Variants in MBD5 observed in about 807,000 individuals in gnomAD.
The protein encoded by MBD5 is methyl-CpG-binding domain protein 5.
A neutral mutation model predicts 117.3 loss-of-function variants in MBD5; 13 were observed. That is an observed-to-expected ratio of 0.11 (90% CI 0.07 to 0.18). The LOEUF (loss-of-function observed/expected upper bound fraction) is 0.18. Among genes scored for constraint, MBD5 ranks in the 10% least tolerant of loss-of-function variants. The probability of loss-of-function intolerance (pLI) is 1.00; values close to 1 mark genes in which losing one functional copy is unlikely to be tolerated. For missense variants in MBD5, 1,879 were observed against 2,093.8 expected, an observed-to-expected ratio of 0.90 and a Z score of 2.00; for synonymous variants, 727 against 766.4, an observed-to-expected ratio of 0.95 and a Z score of 0.85.
In MBD5 at chr2:148,028,168, A is replaced by C. The variant is rs1269683058; in HGVS notation, c.-925+6484A>C. ...GTTGACCTATATAACCTTTTATTAG[A>C]GAACCTGTAATTAAGTTCAGTGTCA... On this transcript the variant is annotated intron_variant, in intron 1 of 13. Coordinates refer to ENST00000642680, the MANE Select transcript of MBD5 (RefSeq NM_001378120.1). 5 of 152,216 alleles carry C rather than the reference A, an allele frequency of 3.3e-5. No individual in the cohort carries two copies. The East Asian group carries it at 5.8e-4, about 18-fold the overall frequency. 9.4% of individuals were successfully genotyped at this position (152,216 alleles called of 1,614,324 possible). A position where few individuals can be genotyped will look rare whatever the true frequency, so the allele number is the denominator to read the frequency against.
At chr2:148,255,048 G>T (rs2106264542) in intron 3 of MBD5, among the ~76,000 whole-genome samples, 1 of 152,312 alleles carries the variant, frequency 6.6e-6, no homozygotes, top group Non-Finnish European at 1.5e-5. Context: ...TGGAAGGGTG[G>T]TACAGAACCA....
At chr2:148,134,287 CAT>C (rs1263148032) in intron 1 of MBD5, among the ~76,000 whole-genome samples, 2 of 152,096 alleles carry the variant, frequency 1.3e-5, no homozygotes, top group African/African-American at 4.8e-5. Context: ...TACAAACACC[CAT>C]ATATACATAT....
chr2:148,447,564 C>T (rs964632098), intron 4 of MBD5: 1 of 152,056 alleles, frequency 6.6e-6, no homozygotes, highest in Non-Finnish European at 1.5e-5. Flanking sequence ...CTTTCTATTC[C>T]AGAAGTTGGA....
chr2:148,472,985 C>CA (rs1262334980), intron 8 of MBD5, among the ~76,000 whole-genome samples: 1 of 152,160 alleles, frequency 6.6e-6, no homozygotes, highest in Non-Finnish European at 1.5e-5. Flanking sequence ...TGAGGTTCAT[C>CA]TGATTCTAAA....
At chr2:148,511,611 A>G (rs1682215700) in intron 13 of MBD5, among the ~76,000 whole-genome samples, 1 of 151,792 alleles carries the variant, frequency 6.6e-6, no homozygotes, top group East Asian at 1.9e-4. Flanking sequence ...GTTTTAAAAA[A>G]TATTAAAGTG....
chr2:148,328,806 G>T (rs558141639), intron 3 of MBD5, among the ~76,000 whole-genome samples: 5 of 151,930 alleles, frequency 3.3e-5, no homozygotes, highest in African/African-American at 1.2e-4. Context: ...CGTCTTCTGC[G>T]TTGCTCACTC....
intron 4 of MBD5, among the ~76,000 whole-genome samples, chr2:148,445,598 T>C (rs1185915984): frequency 1.3e-5 from 2 of 151,376 alleles, no homozygotes; most frequent in East Asian, 1.9e-4. Context: ...AATAAACATA[T>C]GTGTAAATGT....
At chr2:148,358,465 A>C (rs1574330434) in intron 4 of MBD5, among the ~76,000 whole-genome samples, 1 of 152,144 alleles carries the variant, frequency 6.6e-6, no homozygotes, top group South Asian at 2.1e-4. Flanking sequence ...TAAATACAAT[A>C]CTTTCTCCTA....
At chr2:148,257,517 T>C (rs1700618972) in intron 3 of MBD5, among the ~76,000 whole-genome samples, 1 of 152,170 alleles carries the variant, frequency 6.6e-6, no homozygotes, top group African/African-American at 2.4e-5. Context: ...CTCCCAAGAA[T>C]TTGACAAATG....
chr2:148,381,458 T>G (rs942042212), intron 4 of MBD5, among the ~76,000 whole-genome samples: 2 of 152,040 alleles, frequency 1.3e-5, no homozygotes, highest in African/African-American at 4.8e-5. Context: ...TGGGACAATG[T>G]GAAAAGACCA....
At chr2:148,384,181 G>T (rs1431661322) in intron 4 of MBD5, among the ~76,000 whole-genome samples, 3 of 152,082 alleles carry the variant, frequency 2.0e-5, no homozygotes, top group Non-Finnish European at 4.4e-5. Flanking sequence ...GTCCCTGTTT[G>T]CAGATGACAT....
chr2:148,075,509 A>G (rs1425003408), intron 1 of MBD5, among the ~76,000 whole-genome samples: 1 of 152,242 alleles, frequency 6.6e-6, no homozygotes, highest in Non-Finnish European at 1.5e-5. Context: ...CTAAAAGATA[A>G]GGACTCAATT....
In MBD5 at chr2:148,408,145, T is replaced by C. The variant is rs1295359175; in HGVS notation, c.-556-50058T>C. On this transcript the variant is annotated intron_variant, in intron 4 of 13. Coordinates refer to ENST00000642680, the MANE Select transcript of MBD5 (RefSeq NM_001378120.1). ...GAAAAAGCTGCAATAAAGAAGAAAA[T>C]CTTCAAATGGTACCTTCAATTCGAA... is the stretch of plus-strand genomic sequence containing the variant. 5.9e-5 allele frequency among the ~76,000 whole-genome samples: 9 copies of C among 152,228 alleles called. No individual in the cohort carries two copies. In the East Asian group the frequency reaches 1.7e-3, roughly 29 times the overall value.
chr2:148,129,118 G>A (rs1696975204), intron 1 of MBD5, among the ~76,000 whole-genome samples: 1 of 152,094 alleles, frequency 6.6e-6, no homozygotes, highest in Non-Finnish European at 1.5e-5. Flanking sequence ...GAAATTAAAA[G>A]CAGCAAAGAA....
chr2:148,436,386 G>T (rs2105367865), intron 4 of MBD5, among the ~76,000 whole-genome samples: 1 of 151,936 alleles, frequency 6.6e-6, no homozygotes, highest in East Asian at 1.9e-4. Flanking sequence ...GTTTGGTTTT[G>T]TTTTTTGACA....
At chr2:148,448,924 A>C (rs2105467450) in intron 4 of MBD5, among the ~76,000 whole-genome samples, 1 of 151,988 alleles carries the variant, frequency 6.6e-6, no homozygotes, top group East Asian at 1.9e-4. Flanking sequence ...AATGCAGCCA[A>C]GTTTTTTTTA....
At position 148,514,977 on chromosome 2, in the gene MBD5, T is replaced by C. The variant is rs774540785; in HGVS notation, c.*2036T>C. The C allele has an allele frequency of 2.6e-5, 4 of 152,196 alleles. No individual in the cohort carries two copies. Among genetic ancestry groups the C allele is most frequent in the African/African-American group, 7.2e-5 (3 of 41,426 alleles). The allele number at this position is 152,196 out of a possible 1,614,324, so 9.4% of individuals were successfully genotyped here. A position where few individuals can be genotyped will look rare whatever the true frequency, so the allele number is the denominator to read the frequency against. On this transcript the variant is annotated 3_prime_UTR_variant, in exon 14 of 14. Coordinates refer to ENST00000642680, the MANE Select transcript of MBD5 (RefSeq NM_001378120.1). ...TGTAATGGTGGGATTGCCTGCCCAG[T>C]TCCTTCATGCAGTCACATGAAGTAA...
chr2:148,205,270 A>T (rs954111187), intron 2 of MBD5, among the ~76,000 whole-genome samples: 3 of 151,838 alleles, frequency 2.0e-5, no homozygotes, highest in Non-Finnish European at 4.4e-5. Flanking sequence ...TTGTATTTTT[A>T]GTAGAGACGG....
chr2:148,100,916 GATT>G (rs1274915739), intron 1 of MBD5, among the ~76,000 whole-genome samples: 1 of 75,198 alleles, frequency 1.3e-5, no homozygotes, highest in Non-Finnish European at 3.9e-5. Context: ...GGATAGGATT[GATT>G]GATTGATTGA....
Sources: gnomAD v4.1 joint callset for allele counts (sites outside exome capture counted in the v4.1 genomes callset) on GRCh38, gnomAD v4.1.1 for gene constraint, MANE v1.5 for transcripts, NCBI Gene and HGNC (gene_info 2026-07-23, HGNC 2026-07-21) for gene names.